Variants in GABRP observed in about 807,000 individuals in gnomAD.
GABRP encodes gamma-aminobutyric acid type A receptor subunit pi, also known as gamma-aminobutyric acid receptor subunit pi.
GABRP carries 52 observed loss-of-function variants against 47.8 expected under a neutral mutation model. The observed-to-expected ratio is 1.09, with a 90% confidence interval of 0.87 to 1.37. GABRP has a LOEUF of 1.37. Ranked by LOEUF, GABRP falls within the 40% of genes most tolerant of loss-of-function variation. GABRP has a pLI of 0.00. For missense variants in GABRP, 525 were observed against 542.8 expected, an observed-to-expected ratio of 0.97 and a Z score of 0.33; for synonymous variants, 221 against 205.8, an observed-to-expected ratio of 1.07 and a Z score of -0.63.
At chr5:170,798,249 G>A (rs1676552127) in intron 6 of GABRP, among the ~76,000 whole-genome samples, 1 of 152,128 alleles carries the variant, frequency 6.6e-6, no homozygotes. Context: ...CACCATGTTA[G>A]CCAGGATGGT....
chr5:170,806,345 T>C (rs1279234718), intron 7 of GABRP, among the ~76,000 whole-genome samples: 2 of 152,240 alleles, frequency 1.3e-5, no homozygotes, highest in East Asian at 3.8e-4. Context: ...TTTGGAAAGA[T>C]GTGATGTTAT....
intron 5 of GABRP, among the ~76,000 whole-genome samples, chr5:170,796,404 A>C (rs1765428718): frequency 6.6e-6 from 1 of 152,138 alleles, no homozygotes; most frequent in Non-Finnish European, 1.5e-5. Flanking sequence ...ATTTGTGTGT[A>C]CATGTGTGTC....
chr5:170,783,688 C>T (rs1027369443), upstream of GABRP: 2 of 152,278 alleles, frequency 1.3e-5, no homozygotes, highest in Non-Finnish European at 2.9e-5. Flanking sequence ...TGTTTCTGCA[C>T]AGCAGGTTTA....
intron 6 of GABRP, among the ~76,000 whole-genome samples, chr5:170,802,794 T>G (rs373872564): frequency 6.4e-4 from 93 of 145,234 alleles, no homozygotes; most frequent in South Asian, 3.9e-3. Flanking sequence ...CCATCCCCAG[T>G]GAGCGGAGGG....
At chr5:170,785,695 T>C (rs1288906618) in intron 1 of GABRP, among the ~76,000 whole-genome samples, 1 of 152,190 alleles carries the variant, frequency 6.6e-6, no homozygotes, top group East Asian at 1.9e-4. Context: ...AACTGAAGAC[T>C]GGATGGTTCC....
rs1765930046 is a variant in GABRP at position 170,812,896 on chromosome 5, G to A, written c.*638G>A. 6.6e-6 allele frequency: 1 copy of A among 152,174 alleles called. No homozygotes were observed. Among genetic ancestry groups the A allele is most frequent in the African/African-American group, 2.4e-5 (1 of 41,390 alleles). The allele number at this position is 152,174 out of a possible 1,614,324, so 9.4% of individuals were successfully genotyped here. ...TCAAATATAAGTGAAGAAAAAATTA[G>A]TAGATCAACAATCTAAACAAATCCC... On this transcript the variant is annotated 3_prime_UTR_variant, in exon 10 of 10. Transcript: ENST00000265294.
chr5:170,813,630 C>G lies in GABRP; in HGVS notation c.*1372C>G, dbSNP rs1029200120. The G allele has an allele frequency of 1.3e-5, 2 of 152,154 alleles. No individual in the cohort carries two copies. Among genetic ancestry groups the G allele is most frequent in the Non-Finnish European group, 2.9e-5 (2 of 68,040 alleles). 9.4% of individuals were successfully genotyped at this position (152,154 alleles called of 1,614,324 possible). A position where few individuals can be genotyped will look rare whatever the true frequency, so the allele number is the denominator to read the frequency against. On this transcript the variant is annotated 3_prime_UTR_variant, in exon 10 of 10. Coordinates refer to ENST00000265294, the MANE Select transcript of GABRP (RefSeq NM_014211.3). ...GCCAGGGTAAAGGCTTCCAGTTCAG[C>G]CTCAGTTATTTTAGACAATCTCGCC...
At chr5:170,797,316 GA>G (rs1356936851) in intron 5 of GABRP, 149 bp from the exon 6 acceptor site, 1 of 629,640 alleles carries the variant, frequency 1.6e-6, no homozygotes, top group Non-Finnish European at 2.9e-6. Context: ...TTAGCACCCA[GA>G]GCCTCAAGGA....
chr5:170,794,890 A>G (rs573780545), intron 4 of GABRP, among the ~76,000 whole-genome samples: 5 of 151,822 alleles, frequency 3.3e-5, no homozygotes, highest in Admixed American at 3.3e-4. Context: ...CTGTCACACC[A>G]AGTAAGTTAA....
chr5:170,801,999 G>A (rs945234271), intron 6 of GABRP, among the ~76,000 whole-genome samples: 6 of 152,110 alleles, frequency 3.9e-5, no homozygotes, highest in Admixed American at 3.9e-4. Context: ...AAGCAGAAGG[G>A]ATGGCAAATA....
chr5:170,798,906 C>T (rs1482186875), intron 6 of GABRP, among the ~76,000 whole-genome samples: 1 of 151,862 alleles, frequency 6.6e-6, no homozygotes, highest in Non-Finnish European at 1.5e-5. Flanking sequence ...ATTAACTCGT[C>T]ATTTACATTA....
At chr5:170,786,805 T>G (rs142997211) in intron 1 of GABRP, among the ~76,000 whole-genome samples, 4 of 152,276 alleles carry the variant, frequency 2.6e-5, no homozygotes, top group African/African-American at 7.2e-5. Flanking sequence ...TTGCTATAAT[T>G]AAGTTAAAAA....
In GABRP at chr5:170,795,559, A is replaced by G; in HGVS notation, c.458+134A>G. The G allele has an allele frequency of 4.4e-6, 3 of 687,408 alleles. 1 individual carries two copies. The South Asian group carries it at 5.2e-5, about 12-fold the overall frequency. 42.6% of individuals were successfully genotyped at this position (687,408 alleles called of 1,614,324 possible). The stretch of plus-strand genomic sequence containing the variant: ...CATGGCTTCTTAGATCCTTGCCCCC[A>G]TAATAGAAGGTCCCTCTCTCAGTTC... On this transcript the variant is annotated intron_variant, in intron 5 of 9. Coordinates refer to ENST00000265294, the MANE Select transcript of GABRP (RefSeq NM_014211.3).
chr5:170,805,836 G>A lies in GABRP; in HGVS notation c.662G>A (p.Arg221Lys), dbSNP rs752383357. 4 of 1,614,046 alleles carry A rather than the reference G, an allele frequency of 2.5e-6. No individual in the cohort carries two copies. In the East Asian group the frequency reaches 6.7e-5, roughly 27 times the overall value. Residue 221 changes from arginine (R) to lysine (K), a missense_variant, in exon 7 of 10, where the codon AGA becomes AAA. Physicochemically the swap from Arg to Lys is conservative, Grantham distance 26. Transcript: ENST00000265294. ...TIERYFTLVT[R>K]SQQETGNYTR... ...GAGCGGTATTTCACCTTAGTCACCA[G>A]ATCGCAGCAGGAGACAGGTAACTCA...
intron 1 of GABRP, among the ~76,000 whole-genome samples, chr5:170,784,332 A>T (rs918733494): frequency 1.3e-5 from 2 of 151,974 alleles, no homozygotes; most frequent in African/African-American, 4.9e-5. Context: ...CATGGTAGAA[A>T]TTCTGGGAAT....
In GABRP at chr5:170,795,318, G is replaced by T; in HGVS notation, c.351G>T (p.Val117=). ...LDARLVEFLW[V]PDTYIVESKK... ...CCCGCCTCGTGGAGTTCCTCTGGGT[G>T]CCAGATACTTACATTGTGGAGTCCA... Residue 117 remains valine (V), a synonymous_variant, in exon 5 of 10, where the codon GTG becomes GTT. Coordinates refer to ENST00000265294, the MANE Select transcript of GABRP (RefSeq NM_014211.3). 6.2e-7 allele frequency: 1 copy of T among 1,613,938 alleles called. No individual in the cohort carries two copies. The highest frequency in any genetic ancestry group is 8.5e-7 in the Non-Finnish European group (1 of 1,179,970).
intron 6 of GABRP, among the ~76,000 whole-genome samples, 169 bp from the exon 7 acceptor site, chr5:170,805,547 C>CATTGCA (rs1220952764): frequency 8.5e-5 from 13 of 152,320 alleles, no homozygotes; most frequent in African/African-American, 3.1e-4. Context: ...TCAGAGCAGA[C>CATTGCA]ATTGCAATTG....
At chr5:170,797,088 C>T (rs1251255582) in intron 5 of GABRP, among the ~76,000 whole-genome samples, 2 of 152,220 alleles carry the variant, frequency 1.3e-5, no homozygotes, top group African/African-American at 4.8e-5. Flanking sequence ...AGTCCCTATG[C>T]CTGCTGTCAA....
chr5:170,799,912 C>T (rs1581599541), intron 6 of GABRP, among the ~76,000 whole-genome samples: 1 of 152,166 alleles, frequency 6.6e-6, no homozygotes, highest in Admixed American at 6.5e-5. Flanking sequence ...AATGGCCATA[C>T]TACCCAAGGA....
Sources: allele counts gnomAD v4.1 joint callset (sites outside exome capture counted in the v4.1 genomes callset), GRCh38; gene constraint gnomAD v4.1.1; transcripts MANE v1.5; gene names NCBI Gene and HGNC (gene_info 2026-07-23, HGNC 2026-07-21).